Variants in RRBP1 observed in about 807,000 individuals in gnomAD.
RRBP1 encodes ribosome-binding protein 1.
Under a neutral mutation model 165.2 loss-of-function variants are expected in RRBP1, and 94 were observed. That is an observed-to-expected ratio of 0.57 (90% CI 0.48 to 0.68). RRBP1 has a LOEUF of 0.68. Ranked by LOEUF, RRBP1 falls within the 30% of genes least tolerant of loss-of-function variation. RRBP1 has a pLI of 0.00. For synonymous variants in RRBP1, 680 were observed against 714.5 expected, an observed-to-expected ratio of 0.95 and a Z score of 0.77; for missense variants, 1,676 against 1,763.0, an observed-to-expected ratio of 0.95 and a Z score of 0.88.
intron 2 of RRBP1, among the ~76,000 whole-genome samples, chr20:17,671,054 C>T (rs1164423278): frequency 2.6e-5 from 4 of 152,184 alleles, no homozygotes; most frequent in Non-Finnish European, 4.4e-5. Context: ...AGGTCATTCA[C>T]TCTCTTCAGT....
At chr20:17,642,222 G>A (rs534816668) in intron 4 of RRBP1, among the ~76,000 whole-genome samples, 4 of 152,336 alleles carry the variant, frequency 2.6e-5, no homozygotes, top group African/African-American at 7.2e-5. Flanking sequence ...ACCATTTCTG[G>A]CCTGGAGCCT....
intron 3 of RRBP1, among the ~76,000 whole-genome samples, chr20:17,652,560 C>T (rs2036577328): frequency 6.6e-6 from 1 of 152,210 alleles, no homozygotes; most frequent in Admixed American, 6.5e-5. Context: ...CCCCTCCCAC[C>T]CAACACACTC....
chr20:17,648,437 G>T (rs1021816503), intron 3 of RRBP1, among the ~76,000 whole-genome samples: 1 of 152,230 alleles, frequency 6.6e-6, no homozygotes, highest in Non-Finnish European at 1.5e-5. Context: ...CACAGAGCCC[G>T]GCCTTGCCCA....
At chr20:17,681,696 C>T (rs1052163162) in intron 1 of RRBP1, among the ~76,000 whole-genome samples, 1 of 150,220 alleles carries the variant, frequency 6.7e-6, no homozygotes, top group African/African-American at 2.4e-5. Context: ...GCTGGCCGGC[C>T]CGACGGCCCT....
Position 17,630,402 on chromosome 20 carries a change from C to T in RRBP1, c.2611-441G>A, listed in dbSNP as rs146608537. ...CACGCACGGTGCACCACTGCGATCA[C>T]GCTATAGGGCAGTGCTCTTAGTTCT... On this transcript the variant is annotated intron_variant, in intron 8 of 24. Transcript: ENST00000377813. Among the ~76,000 whole-genome samples, 16 of 152,348 alleles carry T rather than the reference C, an allele frequency of 1.1e-4. No individual in the cohort carries two copies. In the East Asian group the frequency reaches 1.9e-3, roughly 18 times the overall value.
At position 17,613,917 on chromosome 20, in the gene RRBP1, T is replaced by G; in HGVS notation, c.*265A>C. On this transcript the variant is annotated 3_prime_UTR_variant, in exon 25 of 25. Coordinates refer to ENST00000377813, the MANE Select transcript of RRBP1 (RefSeq NM_001365613.2). The stretch of plus-strand genomic sequence containing the variant: ...CCACACACCCACGGGGCTGTCAGAG[T>G]CAACCAGGGCTTTGGCGTCACTCGG... 2.3e-6 allele frequency: 1 copy of G among 439,170 alleles called. No homozygotes were observed. The highest frequency in any genetic ancestry group is 4.1e-6 in the Non-Finnish European group (1 of 242,636). 27.2% of individuals were successfully genotyped at this position (439,170 alleles called of 1,614,324 possible).
chr20:17,649,306 C>T (rs1179212249), intron 3 of RRBP1, among the ~76,000 whole-genome samples: 5 of 152,146 alleles, frequency 3.3e-5, no homozygotes, highest in African/African-American at 7.2e-5. Flanking sequence ...CCGGGCAGGG[C>T]GGGGGCCTCG....
chr20:17,634,661 G>A (rs934029950), intron 7 of RRBP1, among the ~76,000 whole-genome samples: 2 of 152,256 alleles, frequency 1.3e-5, no homozygotes, highest in African/African-American at 4.8e-5. Flanking sequence ...ACCCATTAAG[G>A]AGGCCACAGC....
chr20:17,675,538 AG>A (rs965596198), intron 2 of RRBP1, among the ~76,000 whole-genome samples: 1 of 116,132 alleles, frequency 8.6e-6, no homozygotes, highest in Admixed American at 8.9e-5. Flanking sequence ...GATGCAGAGA[AG>A]GGGGGCAGGG....
At chr20:17,620,942 G>A in intron 16 of RRBP1, 135 bp from the exon 17 acceptor site, 1 of 653,462 alleles carries the variant, frequency 1.5e-6, no homozygotes. Flanking sequence ...AGCGTTAGGT[G>A]GGGAGGGAAG....
At chr20:17,615,881 G>A (rs1337593288) in intron 22 of RRBP1, 45 bp downstream of exon 22, 3 of 1,519,854 alleles carry the variant, frequency 2.0e-6, no homozygotes, top group African/African-American at 2.7e-5. Context: ...GAGACTCAGG[G>A]CCCAGGGGCT....
intron 1 of RRBP1, among the ~76,000 whole-genome samples, 190 bp downstream of exon 1, chr20:17,681,838 C>A (rs2037196962): frequency 6.7e-6 from 1 of 148,898 alleles, no homozygotes; most frequent in Admixed American, 6.7e-5. Flanking sequence ...GGCGCTTGCC[C>A]GGCACCCCCG....
Position 17,635,654 on chromosome 20 carries a change from A to G in RRBP1, c.2348T>C (p.Leu783Pro). Residue 783 changes from leucine to proline, a missense_variant, in exon 7 of 25, where the codon CTT becomes CCT. This residue lies in a region of RRBP1 where 1,184 missense variants were observed against 1,167.1 expected (regional missense o/e 1.01). Coordinates refer to ENST00000377813, the MANE Select transcript of RRBP1 (RefSeq NM_001365613.2). ...VQQLQGKIRT[L>P]QEQLENGPNT... ...GGGGCCATTCTCCAGCTGCTCCTGA[A>G]GAGTCCGGATCTGGAAAGTCACGGG... 1.2e-6 allele frequency: 2 copies of G among 1,613,334 alleles called. No homozygotes were observed. The highest frequency in any genetic ancestry group is 1.7e-6 in the Non-Finnish European group (2 of 1,179,790).
At chr20:17,676,790 G>C (rs966707510) in intron 2 of RRBP1, among the ~76,000 whole-genome samples, 4 of 151,966 alleles carry the variant, frequency 2.6e-5, no homozygotes, top group Non-Finnish European at 4.4e-5. Context: ...TCACTCTGTC[G>C]CCTAGGCTGG....
Position 17,661,316 on chromosome 20 carries a change from C to T in RRBP1, c.-21-788G>A, listed in dbSNP as rs7272382. Among the ~76,000 whole-genome samples, 719 of 152,320 alleles carry T rather than the reference C, an allele frequency of 4.7e-3. 5 individuals are homozygous for T. Among genetic ancestry groups the T allele is most frequent in the African/African-American group, 0.015 (627 of 41,560 alleles). ...AATAGCTCCTGAGGAGTTATGGAGC[C>T]TGCAATTTGCATGTTGGGAAACAGG... On this transcript the variant is annotated intron_variant, in intron 2 of 24. Transcript: ENST00000377813.
At chr20:17,664,432 A>C (rs2036829036) in intron 2 of RRBP1, among the ~76,000 whole-genome samples, 1 of 152,326 alleles carries the variant, frequency 6.6e-6, no homozygotes, top group African/African-American at 2.4e-5. Flanking sequence ...ACCATAGATA[A>C]AGGGGGACTA....
intron 2 of RRBP1, among the ~76,000 whole-genome samples, chr20:17,675,488 G>C (rs748836639): frequency 2.0e-5 from 3 of 148,948 alleles, no homozygotes; most frequent in Non-Finnish European, 4.5e-5. Flanking sequence ...GACAAAGTCA[G>C]TCAAATACGG....
intron 5 of RRBP1, among the ~76,000 whole-genome samples, chr20:17,638,940 C>A (rs977006144): frequency 6.6e-6 from 1 of 152,122 alleles, no homozygotes; most frequent in Non-Finnish European, 1.5e-5. Context: ...GAACTCCTCC[C>A]GTGACCCCAT....
At position 17,627,693 on chromosome 20, in the gene RRBP1, G is replaced by A; in HGVS notation, c.2750-11C>T. ...ACTTGCTGTGCAGCTCTGGTGCAGA[G>A]GAAGGGAAACGAGAAGTTAAGAGAC... On this transcript the variant is annotated splice_polypyrimidine_tract_variant and intron_variant, in intron 9 of 24. Coordinates refer to ENST00000377813, the MANE Select transcript of RRBP1 (RefSeq NM_001365613.2). The A allele has an allele frequency of 6.3e-7, 1 of 1,576,906 alleles. No individual in the cohort carries two copies. The highest frequency in any genetic ancestry group is 1.2e-5 in the South Asian group (1 of 86,944).
Sources: gnomAD v4.1 joint callset for allele counts (sites outside exome capture counted in the v4.1 genomes callset) on GRCh38, gnomAD v4.1.1 for gene constraint, gnomAD v4.1.1 regional missense constraint, MANE v1.5 for transcripts, NCBI Gene and HGNC (gene_info 2026-07-23, HGNC 2026-07-21) for gene names.